The following SLC5A6 variants were observed in gnomAD, a reference collection of about 807,000 sequenced individuals.
The protein encoded by SLC5A6 is solute carrier family 5 member 6.
In SLC5A6, 31 loss-of-function variants were observed where a neutral mutation model predicts 67.9. The ratio of observed to expected loss-of-function variants is 0.46; its 90% CI spans 0.34 to 0.62. The LOEUF is 0.62. Ranked by LOEUF, SLC5A6 falls within the 20% of genes least tolerant of loss-of-function variation. SLC5A6 has a pLI of 0.01. For synonymous variants in SLC5A6, 343 were observed against 331.0 expected, an observed-to-expected ratio of 1.04 and a Z score of -0.39; for missense variants, 673 against 812.8, an observed-to-expected ratio of 0.83 and a Z score of 2.09.
chr2:27,204,845 T>A lies in SLC5A6; in HGVS notation c.821A>T (p.Asn274Ile). ...VFMMLSLYGV[N>I]QAQVQRYLSS... ...GAGGTACCGCTGCACCTGAGCCTGG[T>A]TCACCCCGTATAAGGAGAGCATCAT... The change falls in exon 8 of 17, where the codon AAC (asparagine) becomes ATC (isoleucine). Residue 274 changes from asparagine (N) to isoleucine (I), a missense_variant. By Grantham distance (149) the Asn-to-Ile change is moderately radical. Coordinates refer to ENST00000310574, the MANE Select transcript of SLC5A6 (RefSeq NM_021095.4). 6.2e-7 allele frequency: 1 copy of A among 1,614,148 alleles called. No individual in the cohort carries two copies. Among genetic ancestry groups the A allele is most frequent in the African/African-American group, 1.3e-5 (1 of 75,026 alleles).
Position 27,201,371 on chromosome 2 carries a change from G to A in SLC5A6, c.1627C>T (p.Leu543=). 1.9e-6 allele frequency: 3 copies of A among 1,610,234 alleles called. No homozygotes were observed. The highest frequency in any genetic ancestry group is 2.2e-5 in the South Asian group (2 of 91,006). ...HNSTTVIVVG[L]IVSLLTGRMR... is the part of the protein sequence containing the mutation. ...TTACCAGTGAGTAGACTGACAATCA[G>A]GCCCACCACAATCACTGTGGTGGAG... The change falls in exon 15 of 17, where the codon CTG becomes TTG. Residue 543 remains leucine, a synonymous_variant. Transcript: ENST00000310574.
At chr2:27,212,380 C>T, upstream of SLC5A6, 2 of 1,550,560 alleles carry the variant, frequency 1.3e-6, no homozygotes, top group Middle Eastern at 1.7e-4. Context: ...TGGCGCCTCA[C>T]GACCCGGGTA....
chr2:27,207,635 T>C lies in SLC5A6; in HGVS notation c.16A>G (p.Ser6Gly). The C allele has an allele frequency of 6.2e-7, 1 of 1,613,596 alleles. No homozygotes were observed. The highest frequency in any genetic ancestry group is 8.5e-7 in the Non-Finnish European group (1 of 1,179,720). The change falls in exon 3 of 17, where the codon AGC becomes GGC. Residue 6 changes from serine to glycine, a missense_variant. Ser to Gly is a moderately conservative substitution (Grantham distance 56). Coordinates refer to ENST00000310574, the MANE Select transcript of SLC5A6 (RefSeq NM_021095.4). The surrounding 1 kb of genome is among the most constrained non-coding windows in gnomAD (Gnocchi z 5.5). MSVGV[S>G]TSAPLSPTSG... The stretch of plus-strand genomic sequence containing the variant: ...GTTGGGGAAAGAGGGGCTGAGGTGC[T>C]CACCCCTACACTCATATCCTCACTG...
rs527236895 is a variant in SLC5A6, at chr2:27,207,909, G to A, written c.-140-119C>T. On this transcript the variant is annotated intron_variant, in intron 2 of 16. Coordinates refer to ENST00000310574, the MANE Select transcript of SLC5A6 (RefSeq NM_021095.4). The surrounding 1 kb of genome is among the most constrained non-coding windows in gnomAD (Gnocchi z 5.5). ...GCCAGCATAGTGGTAGCCCTTCAAG[G>A]TCTAGAGGCCCTGGTATGGGTTTGG... 10 of 529,428 alleles carry A rather than the reference G, an allele frequency of 1.9e-5. No homozygotes were observed. The highest frequency in any genetic ancestry group is 3.4e-5 in the Non-Finnish European group (10 of 298,198). 32.8% of individuals were successfully genotyped at this position (529,428 alleles called of 1,614,324 possible). A position where few individuals can be genotyped will look rare whatever the true frequency, so the allele number is the denominator to read the frequency against.
In SLC5A6 at chr2:27,202,869, C is replaced by A; in HGVS notation, c.1219G>T (p.Gly407Trp). ...TAGGCCATTCCTAGACAAAGCAGCC[C>A]ATAGCCAAAGGCTGGGGGAAAAGGA... is the stretch of plus-strand genomic sequence containing the variant. ...MLSRGLAFGYGLLCLGMAYIS... is the reference protein window; with the variant it reads ...MLSRGLAFGYWLLCLGMAYIS... Residue 407 changes from glycine (G) to tryptophan (W), a missense_variant, in exon 12 of 17, where the codon GGG (glycine) becomes TGG (tryptophan). Transcript: ENST00000310574. 1.2e-6 allele frequency: 2 copies of A among 1,614,026 alleles called. No individual in the cohort carries two copies. The highest frequency in any genetic ancestry group is 1.1e-5 in the South Asian group (1 of 91,068).
Position 27,212,053 on chromosome 2 carries a change from A to C in SLC5A6, c.-241T>G. 2 of 1,052,290 alleles carry C rather than the reference A, an allele frequency of 1.9e-6. No homozygotes were observed. Among genetic ancestry groups the C allele is most frequent in the Non-Finnish European group, 2.7e-6 (2 of 752,558 alleles). The allele number at this position is 1,052,290 out of a possible 1,614,324, so 65.2% of individuals were successfully genotyped here. A position where few individuals can be genotyped will look rare whatever the true frequency, so the allele number is the denominator to read the frequency against. On this transcript the variant is annotated 5_prime_UTR_variant, in exon 1 of 17. Coordinates refer to ENST00000310574, the MANE Select transcript of SLC5A6 (RefSeq NM_021095.4). ...GATGGAGGGGCCCGAGTTTCTGCGAAGCCGCGACCTCGGCGTCCGGACGCG... is the reference window on the plus strand; with the variant it reads ...GATGGAGGGGCCCGAGTTTCTGCGACGCCGCGACCTCGGCGTCCGGACGCG...
chr2:27,205,564 T>A, intron 6 of SLC5A6, 60 bp from the exon 7 acceptor site: 7 of 1,575,898 alleles, frequency 4.4e-6, no homozygotes, highest in Non-Finnish European at 5.2e-6. Context: ...TTGTCCAACC[T>A]GCCTTATTTT....
intron 10 of SLC5A6, 42 bp downstream of exon 10, chr2:27,203,737 G>T (rs1314323754): frequency 2.1e-6 from 3 of 1,432,450 alleles, no homozygotes; most frequent in Non-Finnish European, 3.0e-6. Flanking sequence ...CCAAATAGGG[G>T]TCAGGTGCAC....
At position 27,201,650 on chromosome 2, in the gene SLC5A6, G is replaced by A. The variant is rs772985969; in HGVS notation, c.1544+16C>T. The A allele has an allele frequency of 6.2e-6, 10 of 1,610,750 alleles. No homozygotes were observed. The highest frequency in any genetic ancestry group is 1.1e-5 in the South Asian group (1 of 90,958). On this transcript the variant is annotated intron_variant, in intron 14 of 16. Coordinates refer to ENST00000310574, the MANE Select transcript of SLC5A6 (RefSeq NM_021095.4). ...AGGGCTTTGAGAAAACAAGAAGATA[G>A]CAAGCCCTGCCTTACTTGGAGAAGG...
intron 13 of SLC5A6, 61 bp from the exon 14 acceptor site, chr2:27,201,908 T>C (rs1673670778): frequency 1.9e-6 from 3 of 1,608,704 alleles, no homozygotes; most frequent in Non-Finnish European, 2.6e-6. Flanking sequence ...ACGGCAGTCC[T>C]CAGCTCTCCT....
rs765253045 is a variant in SLC5A6 at position 27,205,426 on chromosome 2, C to T, written c.658G>A (p.Val220Met). The T allele has an allele frequency of 6.2e-6, 10 of 1,614,108 alleles. No homozygotes were observed. The highest frequency in any genetic ancestry group is 8.5e-6 in the Non-Finnish European group (10 of 1,179,974). Residue 220 changes from valine (V) to methionine (M), a missense_variant, in exon 7 of 17, where the codon GTG becomes ATG. Coordinates refer to ENST00000310574, the MANE Select transcript of SLC5A6 (RefSeq NM_021095.4). Reference protein sequence around the residue: ...MFLGQLAVIIVGSAKVGGLGR... With the variant: ...MFLGQLAVIIMGSAKVGGLGR... Reference sequence around the variant, plus strand: ...AAGCCGCCCACCTTGGCTGACCCCACAATGATAACTGCCAGCTGCCCGAGG... The same window carrying T: ...AAGCCGCCCACCTTGGCTGACCCCATAATGATAACTGCCAGCTGCCCGAGG...
At chr2:27,205,245 A>C (rs1374087032) in intron 7 of SLC5A6, 105 bp downstream of exon 7, 55 of 1,174,524 alleles carry the variant, frequency 4.7e-5, no homozygotes, top group Non-Finnish European at 6.5e-5. Context: ...GTTACACCTC[A>C]GGCTTCCCAG....
At chr2:27,206,599 G>A (rs1674086076) in intron 4 of SLC5A6, 65 bp from the exon 5 acceptor site, 2 of 1,450,238 alleles carry the variant, frequency 1.4e-6, no homozygotes, top group Admixed American at 1.7e-5. Context: ...GAAGAAAGAT[G>A]GGCCTCAGCG....
rs566570113 is a variant in SLC5A6 at position 27,201,216 on chromosome 2, T to C, written c.1649-103A>G. 2.7e-4 allele frequency: 208 copies of C among 781,654 alleles called. No homozygotes were observed. The East Asian group carries it at 5.7e-3, about 22-fold the overall frequency. 48.4% of individuals were successfully genotyped at this position (781,654 alleles called of 1,614,324 possible). Reference sequence around the variant, plus strand: ...GAGACCCCAGCCCCCACCCACCTCCTACATCCCAGCAGAAAAGCCTGACAG... The same window carrying C: ...GAGACCCCAGCCCCCACCCACCTCCCACATCCCAGCAGAAAAGCCTGACAG... On this transcript the variant is annotated intron_variant, in intron 15 of 16. Coordinates refer to ENST00000310574, the MANE Select transcript of SLC5A6 (RefSeq NM_021095.4).
In SLC5A6 at chr2:27,201,111, T is replaced by G; in HGVS notation, c.1651A>C (p.Arg551=). Residue 551 remains arginine, a splice_region_variant and synonymous_variant, in exon 16 of 17, where the codon AGA becomes CGA. Coordinates refer to ENST00000310574, the MANE Select transcript of SLC5A6 (RefSeq NM_021095.4). The stretch of plus-strand genomic sequence containing the variant: ...GGGTTCAGGGACCGGCCTCGCATTC[T>G]CCCTGAATGGAAATGTGCTTCTGAG... The part of the protein sequence containing the change: ...VGLIVSLLTG[R]MRGRSLNPAT... 6.2e-7 allele frequency: 1 copy of G among 1,608,792 alleles called. No homozygotes were observed. The highest frequency in any genetic ancestry group is 1.1e-5 in the South Asian group (1 of 90,710).
chr2:27,205,846 C>T (rs867880405), intron 6 of SLC5A6, among the ~76,000 whole-genome samples, 180 bp downstream of exon 6: 2 of 152,142 alleles, frequency 1.3e-5, no homozygotes, highest in South Asian at 2.1e-4. Flanking sequence ...CATTCCCATC[C>T]CATCCTCTAC....
At chr2:27,206,752 T>C (rs1346978475) in intron 4 of SLC5A6, 125 bp downstream of exon 4, 7 of 926,406 alleles carry the variant, frequency 7.6e-6, no homozygotes, top group Admixed American at 1.7e-5. Context: ...TCACAGATGC[T>C]AACCTCTAGC....
At chr2:27,211,972 C>T in intron 1 of SLC5A6, 48 bp downstream of exon 1, 1 of 532,040 alleles carries the variant, frequency 1.9e-6, no homozygotes, top group Non-Finnish European at 3.1e-6. Context: ...GGGGCCCCGC[C>T]CCCTGCCCGC....
intron 1 of SLC5A6, chr2:27,211,800 G>A: frequency 5.1e-6 from 1 of 195,378 alleles, no homozygotes; most frequent in Non-Finnish European, 1.0e-5. Context: ...CCACGCCGGA[G>A]GCCGGCTCGC....
Sources: gnomAD v4.1 joint callset for allele counts (sites outside exome capture counted in the v4.1 genomes callset) on GRCh38, gnomAD v4.1.1 for gene constraint, Gnocchi (gnomAD v3.1) non-coding constraint, MANE v1.5 for transcripts, NCBI Gene and HGNC (gene_info 2026-07-23, HGNC 2026-07-21) for gene names.